Variants in TNKS observed in about 807,000 individuals in gnomAD.
The protein encoded by TNKS is poly [ADP-ribose] polymerase tankyrase-1.
Under a neutral mutation model 135.8 loss-of-function variants are expected in TNKS, and 72 were observed. The observed-to-expected ratio is 0.53, with a 90% CI of 0.44 to 0.64. The LOEUF (loss-of-function observed/expected upper bound fraction) is 0.64. Ranked by LOEUF, TNKS falls within the 30% of genes least tolerant of loss-of-function variation. TNKS has a pLI of 0.00. For missense variants in TNKS, 1,769 were observed against 1,674.0 expected (o/e 1.06, Z -0.99); for synonymous variants, 849 against 649.3 (o/e 1.31, Z -4.68).
intron 20 of TNKS, among the ~76,000 whole-genome samples, chr8:9,754,809 T>C (rs1290446557): frequency 6.6e-6 from 1 of 152,208 alleles, no homozygotes; most frequent in African/African-American, 2.4e-5. Context: ...GTTAGGACTT[T>C]ATAGACTGCT....
At chr8:9,608,147 C>T (rs1442386566) in intron 2 of TNKS, among the ~76,000 whole-genome samples, 3 of 152,058 alleles carry the variant, frequency 2.0e-5, no homozygotes, top group South Asian at 2.1e-4. Flanking sequence ...CCCTATGTTG[C>T]CCAGGCTGGT....
chr8:9,595,618 G>A (rs1341166685), intron 2 of TNKS, among the ~76,000 whole-genome samples: 1 of 151,896 alleles, frequency 6.6e-6, no homozygotes, highest in Non-Finnish European at 1.5e-5. Flanking sequence ...GCACCCGTAT[G>A]GAAGCTTTCA....
intron 3 of TNKS, among the ~76,000 whole-genome samples, chr8:9,638,813 A>G (rs1355388811): frequency 1.3e-5 from 2 of 152,118 alleles, no homozygotes; most frequent in South Asian, 2.1e-4. Context: ...TTTATAATGG[A>G]AAAAAAATAG....
At position 9,764,697 on chromosome 8, in the gene TNKS, T is replaced by C. The variant is rs777597879; in HGVS notation, c.3373-19T>C. ...ACACACTGGGATGTTTTTATAAAATTAGTTATTTTGTTCTGTAGATGCAAA... is the reference window on the plus strand; with the variant it reads ...ACACACTGGGATGTTTTTATAAAATCAGTTATTTTGTTCTGTAGATGCAAA... On this transcript the variant is annotated intron_variant, in intron 22 of 26. Transcript: ENST00000310430. The C allele has an allele frequency of 6.3e-6, 10 of 1,574,928 alleles. No individual in the cohort carries two copies. Among genetic ancestry groups the C allele is most frequent in the East Asian group, 2.3e-5 (1 of 42,858 alleles).
intron 3 of TNKS, among the ~76,000 whole-genome samples, chr8:9,661,252 T>C (rs183366568): frequency 0.11 from 16,895 of 151,634 alleles, 1,171 homozygotes; most frequent in Admixed American, 0.22. Flanking sequence ...TCATATGGAA[T>C]CAAAAAAGAG....
At chr8:9,636,095 G>A (rs183366189) in intron 3 of TNKS, among the ~76,000 whole-genome samples, 8 of 152,248 alleles carry the variant, frequency 5.3e-5, no homozygotes, top group Non-Finnish European at 1.0e-4. Flanking sequence ...ATAATGTATC[G>A]ATGTATTGCA....
chr8:9,662,572 A>G (rs981552853), intron 3 of TNKS, among the ~76,000 whole-genome samples: 4 of 152,262 alleles, frequency 2.6e-5, no homozygotes, highest in Admixed American at 2.0e-4. Context: ...AGGAAGGGGA[A>G]CATCACACAC....
chr8:9,746,145 G>A (rs1227313077), intron 17 of TNKS, among the ~76,000 whole-genome samples: 1 of 152,134 alleles, frequency 6.6e-6, no homozygotes. Context: ...ACCAAGTTAT[G>A]CCCAGAAATG....
intron 11 of TNKS, among the ~76,000 whole-genome samples, chr8:9,714,935 G>C (rs1344870805): frequency 2.6e-5 from 4 of 152,186 alleles, no homozygotes; most frequent in African/African-American, 9.6e-5. Flanking sequence ...AATTCACATA[G>C]TGATTCTACA....
chr8:9,770,041 T>TA (rs1330748269), intron 25 of TNKS, 65 bp from the exon 26 acceptor site: 22 of 1,441,334 alleles, frequency 1.5e-5, no homozygotes, highest in Non-Finnish European at 2.1e-5. Context: ...TTAATAGATC[T>TA]AGCAGTTATA....
chr8:9,653,633 T>A (rs1382098464), intron 3 of TNKS, among the ~76,000 whole-genome samples: 2 of 152,058 alleles, frequency 1.3e-5, no homozygotes, highest in African/African-American at 2.4e-5. Context: ...TCACTTCTAC[T>A]CCAATGAGAA....
chr8:9,630,528 C>G (rs1800248945), intron 3 of TNKS, among the ~76,000 whole-genome samples: 1 of 152,164 alleles, frequency 6.6e-6, no homozygotes, highest in Non-Finnish European at 1.5e-5. Flanking sequence ...AACTAACAGA[C>G]TTACTCTTCA....
chr8:9,767,852 G>C (rs150144361), intron 25 of TNKS, among the ~76,000 whole-genome samples: 1 of 151,860 alleles, frequency 6.6e-6, no homozygotes, highest in East Asian at 1.9e-4. Flanking sequence ...CAAGCTACTC[G>C]GGAGGCTGAG....
rs1410856500 is a variant in TNKS, at chr8:9,782,100, T to C, written c.*5364T>C. On this transcript the variant is annotated 3_prime_UTR_variant, in exon 27 of 27. Coordinates refer to ENST00000310430, the MANE Select transcript of TNKS (RefSeq NM_003747.3). ...TCTGGCAATCCTACAGCTGTGGTCA[T>C]GGGAAATCACCTACAGCATGTTAAA... The C allele has an allele frequency of 6.6e-6, 1 of 152,470 alleles. No individual in the cohort carries two copies. The highest frequency in any genetic ancestry group is 1.5e-5 in the Non-Finnish European group (1 of 68,040). 9.4% of individuals were successfully genotyped at this position (152,470 alleles called of 1,614,324 possible). A position where few individuals can be genotyped will look rare whatever the true frequency, so the allele number is the denominator to read the frequency against.
chr8:9,689,274 G>T (rs1051074487), intron 5 of TNKS, among the ~76,000 whole-genome samples: 5 of 152,130 alleles, frequency 3.3e-5, no homozygotes, highest in Non-Finnish European at 2.9e-5. Context: ...ATTTCTAGAA[G>T]TATCAAAAAT....
intron 5 of TNKS, among the ~76,000 whole-genome samples, chr8:9,700,133 G>A (rs577185846): frequency 3.9e-5 from 6 of 151,984 alleles, no homozygotes; most frequent in African/African-American, 1.2e-4. Context: ...CAGCCTTCCC[G>A]GGTGTCCTGA....
chr8:9,639,638 CTT>C (rs1301467601), intron 3 of TNKS, among the ~76,000 whole-genome samples: 2 of 151,128 alleles, frequency 1.3e-5, no homozygotes, highest in African/African-American at 4.9e-5. Flanking sequence ...AGTTCAGTAA[CTT>C]TTGTATTTAT....
At chr8:9,746,881 C>CTTATTTTTTTTTTTTTTTTTTTTTTT (rs1806262652) in intron 17 of TNKS, among the ~76,000 whole-genome samples, 1 of 117,230 alleles carries the variant, frequency 8.5e-6, no homozygotes, top group African/African-American at 3.6e-5. Context: ...CCTACTTAAA[C>CTTATTTTTTTTTTTTTTTTTTTTTTT]TTTTTTTTTT....
At chr8:9,705,771 A>G (rs1211431748) in intron 6 of TNKS, among the ~76,000 whole-genome samples, 1 of 152,216 alleles carries the variant, frequency 6.6e-6, no homozygotes, top group Non-Finnish European at 1.5e-5. Context: ...TTTATTTAGA[A>G]TACTTTGATA....
Sources: allele counts gnomAD v4.1 joint callset (sites outside exome capture counted in the v4.1 genomes callset), GRCh38; gene constraint gnomAD v4.1.1; transcripts MANE v1.5; gene names NCBI Gene and HGNC (gene_info 2026-07-23, HGNC 2026-07-21).